ASB4: variants seen among roughly 807,000 people sequenced by gnomAD.
ASB4 encodes the protein ankyrin repeat and SOCS box protein 4.
A neutral mutation model predicts 38.6 loss-of-function variants in ASB4; 35 were observed. The observed-to-expected ratio is 0.91, with a 90% CI of 0.69 to 1.20. ASB4 has a LOEUF of 1.20. ASB4 is among the 50% of genes most tolerant of loss of function. The pLI is 0.00. For missense variants in ASB4, 557 were observed against 527.2 expected (o/e 1.06, Z -0.55); for synonymous variants, 195 against 201.3 (o/e 0.97, Z 0.26).
intron 2 of ASB4, among the ~76,000 whole-genome samples, chr7:95,505,730 GTTATA>G (rs1213397318): frequency 1.4e-5 from 2 of 139,066 alleles, no homozygotes; most frequent in Non-Finnish European, 1.5e-5. Flanking sequence ...CCCTTATGAT[GTTATA>G]TTATAACTAT....
rs1288257078 is a variant in ASB4 at position 95,538,892 on chromosome 7, C to T, written c.*1133C>T. On this transcript the variant is annotated 3_prime_UTR_variant, in exon 5 of 5. Transcript: ENST00000325885. ...TAGCTAAGAGATAAGGAGCACTTTG[C>T]TAGTGACAGTGGGCTACGAAAAGTA... The T allele has an allele frequency of 1.3e-5, 2 of 152,126 alleles. No individual in the cohort carries two copies. Among genetic ancestry groups the T allele is most frequent in the African/African-American group, 2.4e-5 (1 of 41,422 alleles). The allele number at this position is 152,126 out of a possible 1,614,324, so 9.4% of individuals were successfully genotyped here. A position where few individuals can be genotyped will look rare whatever the true frequency, so the allele number is the denominator to read the frequency against.
rs769481837 is a variant in ASB4 at position 95,486,000 on chromosome 7, A to G, written c.29A>G (p.Lys10Arg). MDGTTAPVT[K>R]SGAAKLVKRN... is the part of the protein sequence containing the mutation. ...GACGGCACCACTGCCCCTGTCACTA[A>G]ATCTGGAGCTGCCAAGTTAGTTAAG... The change falls in exon 1 of 5, where the codon AAA becomes AGA. Residue 10 changes from lysine to arginine, a missense_variant. By Grantham distance (26) the Lys-to-Arg change is conservative. Coordinates refer to ENST00000325885, the MANE Select transcript of ASB4 (RefSeq NM_016116.3). 1 of 1,614,042 alleles carries G rather than the reference A, an allele frequency of 6.2e-7. No homozygotes were observed. The highest frequency in any genetic ancestry group is 8.5e-7 in the Non-Finnish European group (1 of 1,179,950).
At chr7:95,478,899 G>A (rs1322549912) in intron 1 of ASB4, among the ~76,000 whole-genome samples, 1 of 152,230 alleles carries the variant, frequency 6.6e-6, no homozygotes, top group Non-Finnish European at 1.5e-5. Flanking sequence ...GAACTTTAGC[G>A]CTGAAGCATC....
chr7:95,471,880 T>TTTTTTTTTTTTTTTTTGAG, the ASB4 span: 3 of 150,704 alleles, frequency 2.0e-5, no homozygotes, highest in East Asian at 5.9e-4. Flanking sequence ...CTGCTTTTTT[T>TTTTTTTTTTTTTTTTTGAG]AACAGATGAA....
At chr7:95,535,325 G>A (rs934931509) in intron 3 of ASB4, among the ~76,000 whole-genome samples, 1 of 152,202 alleles carries the variant, frequency 6.6e-6, no homozygotes, top group African/African-American at 2.4e-5. Context: ...AATGTCTTTG[G>A]AGAAAGTTGT....
chr7:95,528,399 T>C lies in ASB4; in HGVS notation c.978+96T>C, dbSNP rs1267583882. On this transcript the variant is annotated intron_variant, in intron 3 of 4. Transcript: ENST00000325885. ...AACTCAAGCTTGCTTGAGGCTTGAG[T>C]CCTGGGCTAACTACCTCTGATCCTC... The C allele has an allele frequency of 3.2e-6, 5 of 1,579,100 alleles. No individual in the cohort carries two copies. In the South Asian group the frequency reaches 3.5e-5, roughly 11 times the overall value.
At chr7:95,548,818 G>A in the ASB4 span, among the ~76,000 whole-genome samples, 1 of 151,956 alleles carries the variant, frequency 6.6e-6, no homozygotes, top group African/African-American at 2.4e-5. Context: ...AACCTGACAT[G>A]GAAAATATAA....
At chr7:95,484,144 A>G (rs543986276), upstream of ASB4, among the ~76,000 whole-genome samples, 66 of 151,976 alleles carry the variant, frequency 4.3e-4, no homozygotes, top group Non-Finnish European at 8.8e-5. Context: ...CCGGGGGAAC[A>G]TGGCAAAACC....
intron 2 of ASB4, among the ~76,000 whole-genome samples, chr7:95,497,241 C>T (rs1292573489): frequency 6.6e-6 from 1 of 152,042 alleles, no homozygotes; most frequent in Non-Finnish European, 1.5e-5. Flanking sequence ...TGGAGGTAGA[C>T]AAGAATGGAA....
intron 2 of ASB4, chr7:95,496,300 T>A (rs1201487495): frequency 1.5e-5 from 6 of 412,926 alleles, no homozygotes; most frequent in Non-Finnish European, 2.6e-5. Flanking sequence ...AAATATTTAT[T>A]TAGCTCCTAT....
intron 3 of ASB4, among the ~76,000 whole-genome samples, chr7:95,531,790 T>A (rs1046995674): frequency 1.3e-5 from 2 of 152,204 alleles, no homozygotes; most frequent in East Asian, 3.9e-4. Flanking sequence ...TCTCAACATG[T>A]GCTCTTGGTC....
At chr7:95,527,064 T>A (rs142926039) in intron 2 of ASB4, among the ~76,000 whole-genome samples, 170 of 152,338 alleles carry the variant, frequency 1.1e-3, no homozygotes, top group African/African-American at 3.7e-3. Flanking sequence ...ATAAAACATT[T>A]TGCAGTCTCT....
chr7:95,485,034 A>G, upstream of ASB4, among the ~76,000 whole-genome samples: 1 of 149,014 alleles, frequency 6.7e-6, no homozygotes, highest in Middle Eastern at 3.5e-3. Context: ...ATATGTATAT[A>G]TGTATATATA....
At chr7:95,477,080 T>C (rs562177893), upstream of ASB4, among the ~76,000 whole-genome samples, 3 of 152,204 alleles carry the variant, frequency 2.0e-5, no homozygotes, top group Non-Finnish European at 4.4e-5. Flanking sequence ...TTAACCTGGA[T>C]CACGTTTTAT....
intron 2 of ASB4, among the ~76,000 whole-genome samples, chr7:95,504,576 A>G (rs1790383273): frequency 6.6e-6 from 1 of 152,166 alleles, no homozygotes; most frequent in Admixed American, 6.5e-5. Flanking sequence ...CATCTGCTGT[A>G]TTGTGAGTAC....
rs778871789 is a variant in ASB4 at position 95,486,167 on chromosome 7, A to G, written c.187+9A>G. 1.1e-5 allele frequency: 18 copies of G among 1,606,448 alleles called. No homozygotes were observed. Among genetic ancestry groups the G allele is most frequent in the Non-Finnish European group, 1.5e-5 (18 of 1,174,506 alleles). On this transcript the variant is annotated intron_variant, in intron 1 of 4. Transcript: ENST00000325885. Reference sequence around the variant, plus strand: ...GGCATCTTATAAACAAGGTAAAAACATATAGGTGTTATTGTAGAACTGTTA... The same window carrying G: ...GGCATCTTATAAACAAGGTAAAAACGTATAGGTGTTATTGTAGAACTGTTA...
At chr7:95,540,454 AGT>A (rs1022531509), downstream of ASB4, among the ~76,000 whole-genome samples, 11 of 152,356 alleles carry the variant, frequency 7.2e-5, no homozygotes, top group African/African-American at 2.6e-4. Flanking sequence ...TGTAAGAACA[AGT>A]GTGTTTTAAT....
upstream of ASB4, among the ~76,000 whole-genome samples, chr7:95,476,283 C>T (rs774742825): frequency 2.8e-4 from 43 of 152,332 alleles, no homozygotes; most frequent in Admixed American, 4.6e-4. Flanking sequence ...TCCAGCCCAG[C>T]CCAGAGTCAT....
downstream of ASB4, among the ~76,000 whole-genome samples, chr7:95,541,685 A>G (rs1790972549): frequency 6.6e-6 from 1 of 152,180 alleles, no homozygotes. Flanking sequence ...AGACGCAATG[A>G]TCTATTTTAC....
Sources: gnomAD v4.1 joint callset for allele counts (sites outside exome capture counted in the v4.1 genomes callset) on GRCh38, gnomAD v4.1.1 for gene constraint, MANE v1.5 for transcripts, NCBI Gene and HGNC (gene_info 2026-07-23, HGNC 2026-07-21) for gene names.